Variants in RABGAP1L observed in about 807,000 individuals in gnomAD.
RABGAP1L encodes RAB GTPase activating protein 1 like.
Under a neutral mutation model 137.7 loss-of-function variants are expected in RABGAP1L, and 63 were observed. The ratio of observed to expected loss-of-function variants is 0.46; its 90% CI spans 0.37 to 0.56. The LOEUF (loss-of-function observed/expected upper bound fraction) is 0.56, where lower values mean the gene tolerates loss of function less well. RABGAP1L is among the 20% of genes least tolerant of loss of function. The pLI, the probability that RABGAP1L is intolerant of heterozygous loss-of-function variation, is 0.00. For missense variants in RABGAP1L, 1,095 were observed against 1,244.0 expected, an observed-to-expected ratio of 0.88 and a Z score of 1.80; for synonymous variants, 431 against 433.7, an observed-to-expected ratio of 0.99 and a Z score of 0.08.
chr1:174,667,895 T>G (rs1468905240), intron 14 of RABGAP1L, among the ~76,000 whole-genome samples: 4 of 152,182 alleles, frequency 2.6e-5, no homozygotes, highest in Non-Finnish European at 4.4e-5. Context: ...TATGCCTTAC[T>G]AAGCACAGTG....
At chr1:174,474,751 C>T (rs1029464160) in intron 13 of RABGAP1L, among the ~76,000 whole-genome samples, 6 of 152,018 alleles carry the variant, frequency 3.9e-5, no homozygotes, top group African/African-American at 9.7e-5. Context: ...TACAGGCGTG[C>T]GTCACCACGC....
intron 13 of RABGAP1L, among the ~76,000 whole-genome samples, chr1:174,450,552 C>T (rs1369264188): frequency 6.6e-6 from 1 of 152,066 alleles, no homozygotes; most frequent in Non-Finnish European, 1.5e-5. Flanking sequence ...ATATAATATA[C>T]TTAATTATCA....
intron 11 of RABGAP1L, among the ~76,000 whole-genome samples, chr1:174,333,424 T>C (rs902333545): frequency 2.0e-5 from 3 of 152,232 alleles, no homozygotes; most frequent in African/African-American, 7.2e-5. Flanking sequence ...CATCACATTG[T>C]ACTCCATAAA....
intron 10 of RABGAP1L, among the ~76,000 whole-genome samples, chr1:174,288,690 T>G (rs1202190085): frequency 6.6e-6 from 1 of 152,178 alleles, no homozygotes; most frequent in Non-Finnish European, 1.5e-5. Flanking sequence ...GGTGTAGACT[T>G]TTCAGCCTGT....
intron 1 of RABGAP1L, among the ~76,000 whole-genome samples, chr1:174,168,907 A>G (rs991316399): frequency 6.6e-6 from 1 of 152,208 alleles, no homozygotes; most frequent in Non-Finnish European, 1.5e-5. Flanking sequence ...ACATGTATAG[A>G]TTCTTACATG....
chr1:174,708,600 G>A (rs1390506212), intron 17 of RABGAP1L, among the ~76,000 whole-genome samples: 1 of 152,144 alleles, frequency 6.6e-6, no homozygotes, highest in Non-Finnish European at 1.5e-5. Flanking sequence ...ATGAGGGACA[G>A]TGCTATCCAG....
intron 13 of RABGAP1L, among the ~76,000 whole-genome samples, chr1:174,572,517 G>A: frequency 6.6e-6 from 1 of 152,032 alleles, no homozygotes; most frequent in Non-Finnish European, 1.5e-5. Context: ...TGAGTAGCTA[G>A]GACTACAGGC....
intron 19 of RABGAP1L, among the ~76,000 whole-genome samples, chr1:174,938,888 A>G (rs977828604): frequency 5.3e-5 from 8 of 152,142 alleles, no homozygotes; most frequent in South Asian, 2.1e-4. Flanking sequence ...ATGCCTCCCC[A>G]CAGTTTCCAT....
rs747674186 is a variant in RABGAP1L, at chr1:174,278,793, G to A, written c.1323+14G>A. ...AGATTGAAACAGGTAGGACCTTTTTGTTCTCTTCATATATAGTAACAAACA... is the reference window on the plus strand; with the variant it reads ...AGATTGAAACAGGTAGGACCTTTTTATTCTCTTCATATATAGTAACAAACA... On this transcript the variant is annotated intron_variant, in intron 10 of 25. Transcript: ENST00000681986. 2 of 1,499,138 alleles carry A rather than the reference G, an allele frequency of 1.3e-6. No homozygotes were observed. Among genetic ancestry groups the A allele is most frequent in the Admixed American group, 2.4e-5 (1 of 41,184 alleles). 92.9% of individuals were successfully genotyped at this position (1,499,138 alleles called of 1,614,324 possible).
intron 1 of RABGAP1L, among the ~76,000 whole-genome samples, chr1:174,172,223 T>C (rs1014640688): frequency 7.1e-6 from 1 of 141,356 alleles, no homozygotes; most frequent in African/African-American, 2.6e-5. Context: ...TGTGTATATA[T>C]GCCACAAATT....
At chr1:174,777,703 C>A (rs1471327878) in intron 18 of RABGAP1L, among the ~76,000 whole-genome samples, 3 of 151,906 alleles carry the variant, frequency 2.0e-5, no homozygotes, top group Non-Finnish European at 2.9e-5. Context: ...TTAAAAAGAA[C>A]CAAATTAAAC....
chr1:174,933,646 G>C (rs1345077033), intron 19 of RABGAP1L, among the ~76,000 whole-genome samples: 1 of 152,116 alleles, frequency 6.6e-6, no homozygotes, highest in Non-Finnish European at 1.5e-5. Flanking sequence ...CAGAAACTCT[G>C]GTTATGGGGC....
At chr1:174,336,876 TGTGTGTGTGA>T (rs1297269275) in intron 11 of RABGAP1L, among the ~76,000 whole-genome samples, 1 of 143,132 alleles carries the variant, frequency 7.0e-6, no homozygotes, top group Non-Finnish European at 1.5e-5. Flanking sequence ...TGTGTGTGTG[TGTGTGTGTGA>T]GAGAGAGAGA....
chr1:174,957,875 A>G (rs779846396), intron 20 of RABGAP1L: 90 of 1,565,788 alleles, frequency 5.7e-5, no homozygotes, highest in Non-Finnish European at 7.7e-5. Context: ...CAACCATAAT[A>G]TTTCTTTTCT....
chr1:174,260,758 A>G (rs1673515026), intron 7 of RABGAP1L, among the ~76,000 whole-genome samples: 2 of 152,180 alleles, frequency 1.3e-5, no homozygotes, highest in Non-Finnish European at 2.9e-5. Flanking sequence ...CACTATTACT[A>G]GCACTGTTAC....
intron 13 of RABGAP1L, among the ~76,000 whole-genome samples, chr1:174,458,329 T>C (rs977852473): frequency 2.0e-5 from 3 of 151,710 alleles, no homozygotes; most frequent in Non-Finnish European, 4.4e-5. Flanking sequence ...AGAAAAAAAT[T>C]TACAGAAAAA....
intron 19 of RABGAP1L, among the ~76,000 whole-genome samples, chr1:174,957,068 T>C (rs889704485): frequency 2.0e-5 from 3 of 152,348 alleles, no homozygotes; most frequent in African/African-American, 7.2e-5. Context: ...AATAGCACTA[T>C]TAAATACATT....
intron 14 of RABGAP1L, among the ~76,000 whole-genome samples, chr1:174,672,013 G>A (rs1420416366): frequency 6.6e-6 from 1 of 151,984 alleles, no homozygotes; most frequent in Non-Finnish European, 1.5e-5. Flanking sequence ...TCTACATGAA[G>A]AAATAGATGA....
chr1:174,840,001 C>T (rs1693208590), intron 19 of RABGAP1L, among the ~76,000 whole-genome samples: 1 of 152,124 alleles, frequency 6.6e-6, no homozygotes, highest in Admixed American at 6.5e-5. Flanking sequence ...ATAATATATG[C>T]ATAATGTTGG....
Sources: allele counts gnomAD v4.1 joint callset (sites outside exome capture counted in the v4.1 genomes callset), GRCh38; gene constraint gnomAD v4.1.1; transcripts MANE v1.5; gene names NCBI Gene and HGNC (gene_info 2026-07-23, HGNC 2026-07-21).